The following NCKAP5 variants were observed in gnomAD, a reference collection of about 807,000 sequenced individuals.
The protein encoded by NCKAP5 is nck-associated protein 5.
Under a neutral mutation model 167.0 loss-of-function variants are expected in NCKAP5, and 92 were observed. The ratio of observed to expected loss-of-function variants is 0.55; its 90% CI spans 0.47 to 0.66. The LOEUF (loss-of-function observed/expected upper bound fraction) is 0.66, where lower values mean the gene tolerates loss of function less well. NCKAP5 is among the 30% of genes least tolerant of loss of function. The probability of loss-of-function intolerance (pLI) is 0.00; values close to 1 mark genes in which losing one functional copy is unlikely to be tolerated. For missense variants in NCKAP5, 2,378 were observed against 2,315.0 expected (o/e 1.03, Z -0.56); for synonymous variants, 891 against 877.4 (o/e 1.02, Z -0.27).
intron 8 of NCKAP5, among the ~76,000 whole-genome samples, chr2:132,926,963 G>C (rs529695610): frequency 6.6e-6 from 1 of 152,264 alleles, no homozygotes; most frequent in Non-Finnish European, 1.5e-5. Context: ...ATGTTCAAAA[G>C]AGGTTTCCCT....
At chr2:133,341,006 T>C (rs1683540865) in intron 3 of NCKAP5, among the ~76,000 whole-genome samples, 2 of 152,196 alleles carry the variant, frequency 1.3e-5, no homozygotes. Flanking sequence ...TAGCTGTTCA[T>C]ACATCTTTTC....
intron 4 of NCKAP5, chr2:133,284,705 G>T (rs894473135): frequency 6.6e-6 from 1 of 152,186 alleles, no homozygotes; most frequent in Non-Finnish European, 1.5e-5. Context: ...GAGCATAAGG[G>T]ACATTTCCAC....
At chr2:133,080,563 C>A (rs2080767832) in intron 6 of NCKAP5, among the ~76,000 whole-genome samples, 1 of 152,146 alleles carries the variant, frequency 6.6e-6, no homozygotes, top group Admixed American at 6.6e-5. Flanking sequence ...GCAACAGAGA[C>A]CGTCTGGCTG....
At chr2:132,764,667 C>T (rs1681297073) in intron 16 of NCKAP5, among the ~76,000 whole-genome samples, 1 of 152,178 alleles carries the variant, frequency 6.6e-6, no homozygotes. Context: ...CTGATAGTAG[C>T]CAATAAAACA....
intron 11 of NCKAP5, among the ~76,000 whole-genome samples, chr2:132,826,168 T>C (rs1372714570): frequency 3.9e-5 from 6 of 152,232 alleles, no homozygotes; most frequent in Non-Finnish European, 5.9e-5. Context: ...TTGTCATCTT[T>C]GGAGTGTAAA....
chr2:132,969,034 GACTTATTT>G (rs2076748636), intron 7 of NCKAP5, among the ~76,000 whole-genome samples: 1 of 152,026 alleles, frequency 6.6e-6, no homozygotes, highest in South Asian at 2.1e-4. Context: ...AAATATCACT[GACTTATTT>G]ACTTATTTAT....
At chr2:133,048,711 C>T (rs1430216706) in intron 6 of NCKAP5, among the ~76,000 whole-genome samples, 1 of 152,110 alleles carries the variant, frequency 6.6e-6, no homozygotes, top group Non-Finnish European at 1.5e-5. Context: ...TTTAGCACTT[C>T]CTGCAGATAT....
rs796548101 is a variant in NCKAP5 at position 132,745,696 on chromosome 2, ATACTC to A, written c.5129-13650_5129-13646del. 2.0e-4 allele frequency among the ~76,000 whole-genome samples: 30 copies of A among 152,140 alleles called. 1 individual carries two copies. Among genetic ancestry groups the A allele is most frequent in the African/African-American group, 7.0e-4 (29 of 41,586 alleles). ...AAGACAATATAATTGTGTATGTAGA[ATACTC>A]TAAGGGATCTCCCAAAACACTATGA... On this transcript the variant is annotated intron_variant, in intron 16 of 19. Transcript: ENST00000409261.
chr2:133,558,727 G>A (rs971346110), intron 2 of NCKAP5, among the ~76,000 whole-genome samples: 1,345 of 30,842 alleles, frequency 0.044, 3 homozygotes, highest in African/African-American at 0.049. Context: ...AAAAAAAAAA[G>A]CCCATATGGC....
chr2:133,673,531 C>G, the NCKAP5 span, among the ~76,000 whole-genome samples: 1 of 152,198 alleles, frequency 6.6e-6, no homozygotes, highest in Non-Finnish European at 1.5e-5. Flanking sequence ...GTGGACTCTT[C>G]CCAGCAGGTC....
rs16825319 is a variant in NCKAP5 at position 133,464,070 on chromosome 2, C to T, written c.69+53388G>A. 8.3e-3 allele frequency among the ~76,000 whole-genome samples: 1,258 copies of T among 152,262 alleles called. 20 individuals are homozygous for T. Among genetic ancestry groups the T allele is most frequent in the African/African-American group, 0.029 (1,185 of 41,538 alleles). ...GCACGGGGGAGCCTGCATGCCCCAA[C>T]TTTCCATCAACGGGCTCTGGCTGTA... is the stretch of plus-strand genomic sequence containing the variant. On this transcript the variant is annotated intron_variant, in intron 3 of 19. Coordinates refer to ENST00000409261, the MANE Select transcript of NCKAP5 (RefSeq NM_207363.3).
chr2:132,785,398 A>G lies in NCKAP5; in HGVS notation c.1413T>C (p.Asp471=), dbSNP rs1412141420. ...CKEPHKTFVY[D]LDSHVDADDD... is the part of the protein sequence containing the mutation. ...CGTCCGCATCAACGTGGGAATCTAG[A>G]TCATAAACAAATGTCTTGTGGGGTT... is the stretch of plus-strand genomic sequence containing the variant. The change falls in exon 14 of 20, where the codon GAT becomes GAC. Residue 471 remains aspartate, a synonymous_variant. Transcript: ENST00000409261. The G allele has an allele frequency of 3.1e-6, 5 of 1,613,852 alleles. No individual in the cohort carries two copies. Among genetic ancestry groups the G allele is most frequent in the South Asian group, 2.2e-5 (2 of 91,090 alleles).
At chr2:133,117,412 T>G (rs2082117024) in intron 6 of NCKAP5, 1 of 152,226 alleles carries the variant, frequency 6.6e-6, no homozygotes, top group Non-Finnish European at 1.5e-5. Flanking sequence ...ATGTTCTCAC[T>G]GTCAGTGTAA....
chr2:132,744,812 A>G (rs1679504637), intron 16 of NCKAP5, among the ~76,000 whole-genome samples: 1 of 151,770 alleles, frequency 6.6e-6, no homozygotes, highest in South Asian at 2.1e-4. Context: ...AGTGAATAAC[A>G]GATAATATGT....
intron 16 of NCKAP5, among the ~76,000 whole-genome samples, chr2:132,761,045 T>C (rs1680959466): frequency 8.8e-6 from 1 of 113,558 alleles, no homozygotes; most frequent in African/African-American, 3.8e-5. Context: ...CCTCCTCTTT[T>C]TTCCCCCTCT....
chr2:133,322,321 A>G (rs1682115732), intron 3 of NCKAP5, among the ~76,000 whole-genome samples: 1 of 152,094 alleles, frequency 6.6e-6, no homozygotes, highest in Admixed American at 6.5e-5. Flanking sequence ...AGTGATACAG[A>G]CATTTTACAG....
At chr2:133,317,570 T>C (rs1681704417) in intron 3 of NCKAP5, among the ~76,000 whole-genome samples, 1 of 152,276 alleles carries the variant, frequency 6.6e-6, no homozygotes, top group South Asian at 2.1e-4. Context: ...ACTGTAGGCC[T>C]ATTCAATAGA....
At chr2:133,283,720 C>T (rs897381376) in intron 4 of NCKAP5, among the ~76,000 whole-genome samples, 2 of 151,796 alleles carry the variant, frequency 1.3e-5, no homozygotes, top group East Asian at 3.9e-4. Flanking sequence ...AAGCGATTCT[C>T]CTGCCTCAGC....
At chr2:133,065,629 T>C (rs115158139) in intron 6 of NCKAP5, among the ~76,000 whole-genome samples, 1 of 151,730 alleles carries the variant, frequency 6.6e-6, no homozygotes, top group Non-Finnish European at 1.5e-5. Flanking sequence ...ATCTTAAAAA[T>C]TTTTTTTCTC....
Sources: gnomAD v4.1 joint callset for allele counts (sites outside exome capture counted in the v4.1 genomes callset) on GRCh38, gnomAD v4.1.1 for gene constraint, MANE v1.5 for transcripts, NCBI Gene and HGNC (gene_info 2026-07-23, HGNC 2026-07-21) for gene names.